KAZN: variants seen among roughly 807,000 people sequenced by gnomAD.
The protein encoded by KAZN is kazrin, periplakin interacting protein.
Under a neutral mutation model 87.4 loss-of-function variants are expected in KAZN, and 40 were observed. The observed-to-expected ratio is 0.46, with a 90% CI of 0.36 to 0.60. The LOEUF is 0.60. Among genes scored for constraint, KAZN ranks in the 20% least tolerant of loss-of-function variants. KAZN has a pLI of 0.00. For synonymous variants in KAZN, 466 were observed against 458.3 expected (o/e 1.02, Z -0.22); for missense variants, 898 against 1,073.9 (o/e 0.84, Z 2.29).
At chr1:14,863,860 C>T (rs879719298) in intron 1 of KAZN, among the ~76,000 whole-genome samples, 22 of 152,130 alleles carry the variant, frequency 1.4e-4, no homozygotes, top group Non-Finnish European at 2.9e-4. Flanking sequence ...CAGGCCAAGG[C>T]ACAGAGATCC....
At chr1:14,829,329 G>T (rs1646988338) in intron 1 of KAZN, among the ~76,000 whole-genome samples, 1 of 152,218 alleles carries the variant, frequency 6.6e-6, no homozygotes, top group Non-Finnish European at 1.5e-5. Flanking sequence ...GAAAAGAAGT[G>T]CAGAATTATT....
chr1:14,932,580 T>C lies in KAZN; in HGVS notation c.227-28104T>C, dbSNP rs78555289. ...CCCATGTGGCTAGAGGCTCCCATGT[T>C]GGAGCTGGCCCTGAATCAGGGCATG... On this transcript the variant is annotated intron_variant, in intron 1 of 14. Coordinates refer to ENST00000376030, the MANE Select transcript of KAZN (RefSeq NM_201628.3). Among the ~76,000 whole-genome samples, 557 of 152,292 alleles carry C rather than the reference T, an allele frequency of 3.7e-3. 3 individuals carry two copies. The highest frequency in any genetic ancestry group is 0.013 in the African/African-American group (530 of 41,580).
chr1:15,086,070 A>C (rs1640238332), intron 8 of KAZN, among the ~76,000 whole-genome samples: 1 of 152,122 alleles, frequency 6.6e-6, no homozygotes, highest in African/African-American at 2.4e-5. Context: ...TCCTGGGTTC[A>C]AGCGATTCTC....
chr1:14,404,860 A>G (rs1335621080), intron 2 of KAZN, among the ~76,000 whole-genome samples: 2 of 152,220 alleles, frequency 1.3e-5, no homozygotes, highest in East Asian at 3.8e-4. Flanking sequence ...AACACTCAAT[A>G]AATTCCTTAA....
chr1:15,014,590 G>T (rs559797339), intron 2 of KAZN, among the ~76,000 whole-genome samples: 1 of 152,144 alleles, frequency 6.6e-6, no homozygotes, highest in African/African-American at 2.4e-5. Context: ...ACCCTGCTCC[G>T]GGCTTCTTGT....
chr1:15,019,516 G>A (rs1225892698), intron 2 of KAZN, among the ~76,000 whole-genome samples: 1 of 152,046 alleles, frequency 6.6e-6, no homozygotes, highest in East Asian at 1.9e-4. Context: ...GGCCTCCCTA[G>A]TATCTGGGAT....
At chr1:14,120,023 A>G (rs1644716658) in intron 1 of KAZN, among the ~76,000 whole-genome samples, 1 of 152,182 alleles carries the variant, frequency 6.6e-6, no homozygotes, top group African/African-American at 2.4e-5. Context: ...ACTAGGAAGT[A>G]CAGGAGACAG....
At chr1:15,048,769 A>G (rs61561028) in intron 4 of KAZN, among the ~76,000 whole-genome samples, 35,400 of 118,004 alleles carry the variant, frequency 0.3, 7,192 homozygotes, top group East Asian at 0.75. Flanking sequence ...TGGGTCGTCG[A>G]TCCTGGGTCG....
intron 1 of KAZN, among the ~76,000 whole-genome samples, chr1:14,037,934 T>C (rs1435533689): frequency 6.6e-6 from 1 of 152,190 alleles, no homozygotes; most frequent in African/African-American, 2.4e-5. Context: ...TGTAGAACCC[T>C]GAAAGCTTTG....
At chr1:14,459,219 G>C (rs150845217) in intron 2 of KAZN, among the ~76,000 whole-genome samples, 2 of 152,086 alleles carry the variant, frequency 1.3e-5, no homozygotes, top group African/African-American at 4.8e-5. Flanking sequence ...CCTCCTGCTG[G>C]CCTAGGAGTT....
chr1:14,664,653 CTT>C (rs543110951), intron 1 of KAZN, among the ~76,000 whole-genome samples: 5 of 139,370 alleles, frequency 3.6e-5, no homozygotes, highest in Admixed American at 7.2e-5. Context: ...TTCTTTTTCT[CTT>C]TTTTTTTTTT....
At chr1:14,256,463 T>G (rs1650521722) in intron 2 of KAZN, among the ~76,000 whole-genome samples, 2 of 146,626 alleles carry the variant, frequency 1.4e-5, no homozygotes, top group South Asian at 2.2e-4. Flanking sequence ...GGGAAAGGAG[T>G]AGGAAGGAGA....
intron 2 of KAZN, among the ~76,000 whole-genome samples, chr1:14,226,049 CAAA>C (rs997026736): frequency 6.6e-6 from 1 of 151,260 alleles, no homozygotes; most frequent in Non-Finnish European, 1.5e-5. Flanking sequence ...CAGCAAAAAA[CAAA>C]AAAACAAAAC....
intron 1 of KAZN, among the ~76,000 whole-genome samples, chr1:14,840,237 AG>A (rs1212122975): frequency 1.3e-5 from 2 of 152,192 alleles, no homozygotes; most frequent in Non-Finnish European, 2.9e-5. Context: ...TTTAAATAAT[AG>A]CCATTGAAAT....
intron 2 of KAZN, among the ~76,000 whole-genome samples, chr1:14,287,552 G>A (rs1232938460): frequency 6.6e-6 from 1 of 152,212 alleles, no homozygotes; most frequent in African/African-American, 2.4e-5. Context: ...TTTTGCTGAA[G>A]TTGCTTATCA....
At chr1:14,855,347 A>G (rs1043168041) in intron 1 of KAZN, among the ~76,000 whole-genome samples, 5 of 152,194 alleles carry the variant, frequency 3.3e-5, no homozygotes, top group African/African-American at 1.2e-4. Flanking sequence ...TGCACCCTGC[A>G]TGAAAGTTAA....
intron 2 of KAZN, among the ~76,000 whole-genome samples, chr1:14,205,898 A>AAAAAAAAAAAAAAAAAAAAAAC (rs1426799753): frequency 3.3e-5 from 2 of 60,778 alleles, no homozygotes; most frequent in African/African-American, 7.4e-5. Flanking sequence ...AAAAAAAAAA[A>AAAAAAAAAAAAAAAAAAAAAAC]AAAAAAAAGC....
chr1:14,330,795 T>C (rs909159626), intron 2 of KAZN, among the ~76,000 whole-genome samples: 2 of 152,154 alleles, frequency 1.3e-5, no homozygotes, highest in Admixed American at 6.5e-5. Context: ...CACACATACA[T>C]AGGAACACTA....
intron 1 of KAZN, among the ~76,000 whole-genome samples, chr1:14,096,415 G>A (rs1644129457): frequency 6.6e-6 from 1 of 152,178 alleles, no homozygotes; most frequent in African/African-American, 2.4e-5. Flanking sequence ...TGCCCTGGAG[G>A]ATACACTGAT....
Sources: gnomAD v4.1 joint callset for allele counts (sites outside exome capture counted in the v4.1 genomes callset) on GRCh38, gnomAD v4.1.1 for gene constraint, MANE v1.5 for transcripts, NCBI Gene and HGNC (gene_info 2026-07-23, HGNC 2026-07-21) for gene names.